Variants in PDE8A observed in about 807,000 individuals in gnomAD.
The protein encoded by PDE8A is high affinity cAMP-specific and IBMX-insensitive 3',5'-cyclic phosphodiesterase 8A.
PDE8A carries 59 observed loss-of-function variants against 105.0 expected under a neutral mutation model. The ratio of observed to expected loss-of-function variants is 0.56; its 90% CI spans 0.46 to 0.70. The LOEUF (loss-of-function observed/expected upper bound fraction) is 0.70. Among genes scored for constraint, PDE8A ranks in the 30% least tolerant of loss-of-function variants. The pLI is 0.00. For synonymous variants in PDE8A, 355 were observed against 371.9 expected (o/e 0.95, Z 0.52); for missense variants, 1,014 against 1,045.9 (o/e 0.97, Z 0.42).
At chr15:85,092,427 C>G (rs2081660954) in intron 8 of PDE8A, among the ~76,000 whole-genome samples, 1 of 151,600 alleles carries the variant, frequency 6.6e-6, no homozygotes, top group Admixed American at 6.6e-5. Flanking sequence ...CCCTCAGGTG[C>G]TCAGGTGCAC....
In PDE8A at chr15:85,126,267, C is replaced by T; in HGVS notation, c.2146C>T (p.Leu716=). Residue 716 remains leucine, a synonymous_variant, in exon 20 of 22, where the codon CTA becomes TTA. Coordinates refer to ENST00000394553, the MANE Select transcript of PDE8A (RefSeq NM_002605.3). ...TMLRTPENRT[L]IKRMLIKCAD... is the part of the protein sequence containing the mutation. ...GCTTAGGACTCCAGAGAACCGGACC[C>T]TAATCAAACGAATGCTGATTAAATG... The T allele has an allele frequency of 6.2e-7, 1 of 1,612,930 alleles. No individual in the cohort carries two copies. Among genetic ancestry groups the T allele is most frequent in the Non-Finnish European group, 8.5e-7 (1 of 1,179,422 alleles).
intron 1 of PDE8A, among the ~76,000 whole-genome samples, chr15:85,045,058 T>C (rs1350009519): frequency 1.3e-5 from 2 of 152,190 alleles, no homozygotes; most frequent in South Asian, 4.1e-4. Flanking sequence ...GTAGGTCCTG[T>C]GCACTAGCTG....
In PDE8A at chr15:85,091,165, G is replaced by C; in HGVS notation, c.836G>C (p.Cys279Ser). 6.2e-7 allele frequency: 1 copy of C among 1,610,558 alleles called. No individual in the cohort carries two copies. The highest frequency in any genetic ancestry group is 8.5e-7 in the Non-Finnish European group (1 of 1,178,742). ...GACTTGCTCGATACTATAAATTCAT[G>C]CATCAGGATAGGCAAGGTAAGTAAG... Reference protein sequence around the residue: ...KADLLDTINSCIRIGKEWQGI... With the variant: ...KADLLDTINSSIRIGKEWQGI... Residue 279 changes from cysteine to serine, a missense_variant, in exon 8 of 22, where the codon TGC becomes TCC. Coordinates refer to ENST00000394553, the MANE Select transcript of PDE8A (RefSeq NM_002605.3).
At chr15:85,098,547 A>G (rs575164176) in intron 9 of PDE8A, among the ~76,000 whole-genome samples, 48 of 152,358 alleles carry the variant, frequency 3.2e-4, no homozygotes, top group African/African-American at 1.2e-3. Context: ...CCTATCTTAA[A>G]GAAATAATAT....
At chr15:84,982,821 C>T (rs1418424564) in intron 1 of PDE8A, among the ~76,000 whole-genome samples, 1 of 152,234 alleles carries the variant, frequency 6.6e-6, no homozygotes, top group Admixed American at 6.5e-5. Context: ...TTTGCACATG[C>T]AGTTGCAGGT....
intron 11 of PDE8A, among the ~76,000 whole-genome samples, chr15:85,104,599 G>C (rs762920005): frequency 1.3e-5 from 2 of 152,262 alleles, no homozygotes; most frequent in Middle Eastern, 3.4e-3. Context: ...CCAGCTTACT[G>C]TGTGGGATAA....
intron 1 of PDE8A, among the ~76,000 whole-genome samples, chr15:85,042,423 T>G (rs2080825025): frequency 6.6e-6 from 1 of 152,022 alleles, no homozygotes. Context: ...CCTCTCAAAG[T>G]GTTGAGATTA....
chr15:85,052,076 G>C (rs1309463713), intron 1 of PDE8A, among the ~76,000 whole-genome samples: 1 of 151,806 alleles, frequency 6.6e-6, no homozygotes, highest in Admixed American at 6.6e-5. Flanking sequence ...TGCAGTGTTT[G>C]GTTTTCTGTC....
chr15:85,043,301 C>T (rs1381688817), intron 1 of PDE8A, among the ~76,000 whole-genome samples: 1 of 152,170 alleles, frequency 6.6e-6, no homozygotes, highest in African/African-American at 2.4e-5. Flanking sequence ...TCCCTGCTCC[C>T]TGGGGCAGCC....
intron 14 of PDE8A, among the ~76,000 whole-genome samples, chr15:85,115,064 GAGA>G (rs898534853): frequency 2.0e-5 from 3 of 152,130 alleles, no homozygotes; most frequent in African/African-American, 7.2e-5. Flanking sequence ...GAAAATGGAG[GAGA>G]AGGACTGAGG....
intron 5 of PDE8A, among the ~76,000 whole-genome samples, chr15:85,079,770 G>C (rs1029607369): frequency 1.3e-5 from 2 of 152,102 alleles, no homozygotes; most frequent in Non-Finnish European, 1.5e-5. Context: ...AAAATTACCC[G>C]GGCATGGTGG....
chr15:85,003,961 G>A (rs1378726841), intron 1 of PDE8A, among the ~76,000 whole-genome samples: 1 of 152,208 alleles, frequency 6.6e-6, no homozygotes, highest in Non-Finnish European at 1.5e-5. Context: ...CCCAAAAGGA[G>A]AAAAGAGCAT....
At chr15:85,034,868 CAT>C (rs2080677612) in intron 1 of PDE8A, among the ~76,000 whole-genome samples, 1 of 152,002 alleles carries the variant, frequency 6.6e-6, no homozygotes, top group Non-Finnish European at 1.5e-5. Context: ...ATTTTAATTT[CAT>C]CATTTTCATG....
At chr15:85,111,814 C>T (rs1426482746) in intron 12 of PDE8A, among the ~76,000 whole-genome samples, 1 of 152,184 alleles carries the variant, frequency 6.6e-6, no homozygotes, top group Non-Finnish European at 1.5e-5. Context: ...AAATCATGAA[C>T]ATGCTATGTC....
At chr15:85,125,693 G>T (rs2082248137) in intron 19 of PDE8A, among the ~76,000 whole-genome samples, 2 of 152,182 alleles carry the variant, frequency 1.3e-5, no homozygotes, top group South Asian at 4.1e-4. Flanking sequence ...CATCAAATAT[G>T]TTAGGTGTTA....
At position 84,989,803 on chromosome 15, in the gene PDE8A, G is replaced by A. The variant is rs370270853; in HGVS notation, c.186+7455G>A. ...GGTTCAAATATATCTATTTTTTAAC[G>A]CAGATCTCATTTTTAATATAGTTTT... On this transcript the variant is annotated intron_variant, in intron 1 of 21. Coordinates refer to ENST00000394553, the MANE Select transcript of PDE8A (RefSeq NM_002605.3). Among the ~76,000 whole-genome samples, 11 of 152,048 alleles carry A rather than the reference G, an allele frequency of 7.2e-5. No individual in the cohort carries two copies. The East Asian group carries it at 9.6e-4, about 13-fold the overall frequency.
intron 2 of PDE8A, among the ~76,000 whole-genome samples, chr15:85,065,234 T>A (rs2081203552): frequency 6.7e-6 from 1 of 150,254 alleles, no homozygotes; most frequent in Non-Finnish European, 1.5e-5. Flanking sequence ...ATATCTGTAA[T>A]TTATCTAATT....
chr15:85,089,676 T>C (rs1207737506), intron 7 of PDE8A, among the ~76,000 whole-genome samples: 1 of 152,198 alleles, frequency 6.6e-6, no homozygotes, highest in Non-Finnish European at 1.5e-5. Flanking sequence ...CACTAGTTTG[T>C]TTATTTAACA....
rs963798326 is a variant in PDE8A at position 85,138,125 on chromosome 15, G to C, written c.*222G>C. On this transcript the variant is annotated 3_prime_UTR_variant, in exon 22 of 22. Transcript: ENST00000394553. Reference sequence around the variant, plus strand: ...ACTGTAGCCTGGGCCTGCTGCAGGAGCTCTTCAGAAAGGCACATGAGGACC... The same window carrying C: ...ACTGTAGCCTGGGCCTGCTGCAGGACCTCTTCAGAAAGGCACATGAGGACC... 8.8e-5 allele frequency: 42 copies of C among 479,108 alleles called. No individual in the cohort carries two copies. The highest frequency in any genetic ancestry group is 7.8e-4 in the African/African-American group (40 of 51,600). The allele number at this position is 479,108 out of a possible 1,614,324, so 29.7% of individuals were successfully genotyped here.
Sources: allele counts gnomAD v4.1 joint callset (sites outside exome capture counted in the v4.1 genomes callset), GRCh38; gene constraint gnomAD v4.1.1; transcripts MANE v1.5; gene names NCBI Gene and HGNC (gene_info 2026-07-23, HGNC 2026-07-21).